The following RRBP1 variants were observed in gnomAD, a reference collection of about 807,000 sequenced individuals.
RRBP1 encodes the protein ribosome binding protein 1, also known as ribosome-binding protein 1.
In RRBP1, 94 loss-of-function variants were observed where a neutral mutation model predicts 165.2. The ratio of observed to expected loss-of-function variants is 0.57; its 90% CI spans 0.48 to 0.68. The LOEUF is 0.68. RRBP1 is among the 30% of genes least tolerant of loss of function. The pLI, the probability that RRBP1 is intolerant of heterozygous loss-of-function variation, is 0.00. For synonymous variants in RRBP1, 680 were observed against 714.5 expected, an observed-to-expected ratio of 0.95 and a Z score of 0.77; for missense variants, 1,676 against 1,763.0, an observed-to-expected ratio of 0.95 and a Z score of 0.88.
intron 21 of RRBP1, 52 bp from the exon 22 acceptor site, chr20:17,616,061 G>A: frequency 6.7e-7 from 1 of 1,503,614 alleles, no homozygotes; most frequent in Non-Finnish European, 9.1e-7. Context: ...AACCCTCCAG[G>A]GGCCCAGGGA....
At chr20:17,652,411 C>A (rs1410288988) in intron 3 of RRBP1, among the ~76,000 whole-genome samples, 1 of 152,146 alleles carries the variant, frequency 6.6e-6, no homozygotes, top group African/African-American at 2.4e-5. Context: ...AGCCCTAGGC[C>A]CTACACCTCC....
intron 5 of RRBP1, 114 bp downstream of exon 5, chr20:17,641,683 G>A: frequency 1.5e-6 from 2 of 1,310,820 alleles, no homozygotes; most frequent in Admixed American, 3.4e-5. Context: ...CTGACAGCCA[G>A]CTACGTTCCA....
At chr20:17,615,042 C>T (rs987342936) in intron 23 of RRBP1, among the ~76,000 whole-genome samples, 162 bp from the exon 24 acceptor site, 2 of 152,166 alleles carry the variant, frequency 1.3e-5, no homozygotes, top group African/African-American at 4.8e-5. Flanking sequence ...GGGAGGAAAC[C>T]GCCCATGCTG....
intron 2 of RRBP1, among the ~76,000 whole-genome samples, chr20:17,663,783 A>G (rs1363334728): frequency 6.6e-6 from 1 of 152,138 alleles, no homozygotes; most frequent in Non-Finnish European, 1.5e-5. Flanking sequence ...CCACACCATG[A>G]TAAGAGGCCC....
intron 3 of RRBP1, among the ~76,000 whole-genome samples, chr20:17,652,820 A>G (rs375904096): frequency 2.6e-5 from 4 of 152,346 alleles, no homozygotes; most frequent in African/African-American, 9.6e-5. Flanking sequence ...CTTGCTCACC[A>G]GGCAACATGG....
In RRBP1 at chr20:17,621,709, G is replaced by A. The variant is rs747607897; in HGVS notation, c.3305C>T (p.Ala1102Val). 1 of 1,613,668 alleles carries A rather than the reference G, an allele frequency of 6.2e-7. No individual in the cohort carries two copies. Among genetic ancestry groups the A allele is most frequent in the Non-Finnish European group, 8.5e-7 (1 of 1,179,960 alleles). The change falls in exon 15 of 25, where the codon GCT becomes GTT. Residue 1102 changes from alanine to valine, a missense_variant. Transcript: ENST00000377813. The part of the protein sequence containing the change: ...KGPTLLKHPP[A>V]PAEPSSDLAS... ...ACTTACCGAGGAGGGCTCCGCGGGAGCTGGCGGGTGCTTCAGCAGCGTGGG... is the reference window on the plus strand; with the variant it reads ...ACTTACCGAGGAGGGCTCCGCGGGAACTGGCGGGTGCTTCAGCAGCGTGGG...
chr20:17,631,941 T>C (rs2036158403), intron 8 of RRBP1, among the ~76,000 whole-genome samples: 2 of 152,230 alleles, frequency 1.3e-5, no homozygotes, highest in Non-Finnish European at 1.5e-5. Context: ...ATATCTTGAA[T>C]AAAATTTTGT....
At chr20:17,653,740 A>G (rs949046707) in intron 3 of RRBP1, among the ~76,000 whole-genome samples, 2 of 151,688 alleles carry the variant, frequency 1.3e-5, no homozygotes, top group Admixed American at 1.3e-4. Flanking sequence ...AGGCTGAGGC[A>G]GGAGAATTGC....
intron 9 of RRBP1, 23 bp downstream of exon 9, chr20:17,629,800 G>C: frequency 1.3e-6 from 2 of 1,587,096 alleles, no homozygotes; most frequent in Non-Finnish European, 1.7e-6. Context: ...CTGAACCCCC[G>C]GCCCCACTGC....
chr20:17,618,161 G>A (rs2035837561), intron 20 of RRBP1, among the ~76,000 whole-genome samples: 1 of 152,250 alleles, frequency 6.6e-6, no homozygotes, highest in South Asian at 2.1e-4. Flanking sequence ...ACTGAGGTGA[G>A]AAAACCCACA....
chr20:17,655,992 CT>C (rs1417495897), intron 3 of RRBP1, among the ~76,000 whole-genome samples: 23 of 152,216 alleles, frequency 1.5e-4, no homozygotes, highest in South Asian at 8.3e-4. Context: ...TCACAAGATC[CT>C]GGGTGATTCA....
chr20:17,672,051 T>C lies in RRBP1; in HGVS notation c.-22+7948A>G, dbSNP rs545231626. Among the ~76,000 whole-genome samples the C allele has an allele frequency of 3.3e-5, 5 of 152,314 alleles. No individual in the cohort carries two copies. The East Asian group carries it at 9.7e-4, about 29-fold the overall frequency. On this transcript the variant is annotated intron_variant, in intron 2 of 24. Transcript: ENST00000377813. ...GGGAGACTACTACCAACTCTGGACC[T>C]GGATATACCATCCTTCATTACTAGG...
At chr20:17,625,998 G>A (rs1337202665) in intron 11 of RRBP1, among the ~76,000 whole-genome samples, 3 of 152,146 alleles carry the variant, frequency 2.0e-5, no homozygotes, top group Non-Finnish European at 2.9e-5. Flanking sequence ...ATGAGACTCC[G>A]AGGAAGAGGT....
At position 17,618,689 on chromosome 20, in the gene RRBP1, A is replaced by G; in HGVS notation, c.3676-10T>C. On this transcript the variant is annotated splice_polypyrimidine_tract_variant and intron_variant, in intron 19 of 24. Transcript: ENST00000377813. ...GGAGAAGTTGCCTCAGCTTGGGGAGAAAACAGAGGCGGGTGATGGGAAAAA... is the reference window on the plus strand; with the variant it reads ...GGAGAAGTTGCCTCAGCTTGGGGAGGAAACAGAGGCGGGTGATGGGAAAAA... 11 of 1,608,182 alleles carry G rather than the reference A, an allele frequency of 6.8e-6. No homozygotes were observed. Among genetic ancestry groups the G allele is most frequent in the Non-Finnish European group, 8.5e-6 (10 of 1,174,934 alleles).
rs41290441 is a variant in RRBP1 at position 17,616,837 on chromosome 20, G to T, written c.3762C>A (p.Val1254=). 1.2e-6 allele frequency: 2 copies of T among 1,611,622 alleles called. No homozygotes were observed. The highest frequency in any genetic ancestry group is 4.5e-5 in the East Asian group (2 of 44,832). The change falls in exon 21 of 25, where the codon GTC becomes GTA. Residue 1254 remains valine, a splice_region_variant and synonymous_variant. Transcript: ENST00000377813. The part of the protein sequence containing the change: ...AQKQSDELAL[V]RQQLSEMKSH... The stretch of plus-strand genomic sequence containing the variant: ...TCTTCATTTCACTCAACTGCTGCCT[G>T]ACCTGGAACAGGAAGGGGTGTGTTT...
chr20:17,682,149 T>C lies in RRBP1; in HGVS notation c.-220A>G, dbSNP rs2037206399. ...CCAAGAAACCGCCCCCGAGCAGCTG[T>C]AGACGCTGCGACCCTGACGCCGCCC... is the stretch of plus-strand genomic sequence containing the variant. On this transcript the variant is annotated 5_prime_UTR_variant, in exon 1 of 25. Transcript: ENST00000377813. 6.6e-6 allele frequency: 1 copy of C among 152,446 alleles called. No homozygotes were observed. The highest frequency in any genetic ancestry group is 2.0e-4 in the East Asian group (1 of 5,118). The allele number at this position is 152,446 out of a possible 1,614,324, so 9.4% of individuals were successfully genotyped here.
At chr20:17,662,171 G>C (rs1156530482) in intron 2 of RRBP1, among the ~76,000 whole-genome samples, 1 of 152,038 alleles carries the variant, frequency 6.6e-6, no homozygotes, top group East Asian at 1.9e-4. Context: ...GCTGAGGCAG[G>C]AGAATGGGAT....
Position 17,636,854 on chromosome 20 carries a change from C to G in RRBP1, c.2185-125G>C. 8 of 1,219,840 alleles carry G rather than the reference C, an allele frequency of 6.6e-6. No individual in the cohort carries two copies. The South Asian group carries it at 1.1e-4, about 17-fold the overall frequency. The allele number at this position is 1,219,840 out of a possible 1,614,324, so 75.6% of individuals were successfully genotyped here. A position where few individuals can be genotyped will look rare whatever the true frequency, so the allele number is the denominator to read the frequency against. ...CAGAGCACAGACCCCTCCTGCTGGC[C>G]GGGTTCTCAGCTAGACTCAAGCCAG... On this transcript the variant is annotated intron_variant, in intron 5 of 24. Transcript: ENST00000377813.
At chr20:17,642,577 T>C (rs534883637) in intron 4 of RRBP1, among the ~76,000 whole-genome samples, 1 of 152,152 alleles carries the variant, frequency 6.6e-6, no homozygotes, top group South Asian at 2.1e-4. Context: ...AGGCACGAGA[T>C]AGCTCAGAAC....
Sources: gnomAD v4.1 joint callset for allele counts (sites outside exome capture counted in the v4.1 genomes callset) on GRCh38, gnomAD v4.1.1 for gene constraint, MANE v1.5 for transcripts, NCBI Gene and HGNC (gene_info 2026-07-23, HGNC 2026-07-21) for gene names.